RYR2: variants seen among roughly 807,000 people sequenced by gnomAD.
The protein encoded by RYR2 is cardiac muscle ryanodine receptor-calcium release channel.
RYR2 carries 227 observed loss-of-function variants against 601.1 expected under a neutral mutation model. The observed-to-expected ratio is 0.38, with a 90% CI of 0.34 to 0.42. RYR2 has a LOEUF of 0.42. RYR2 is among the 10% of genes least tolerant of loss of function. The pLI is 1.00. For missense variants in RYR2, 4,646 were observed against 6,156.5 expected (o/e 0.75, Z 8.21); for synonymous variants, 2,223 against 2,175.1 (o/e 1.02, Z -0.61).
At chr1:237,045,775 C>CTTT (rs35311700) in intron 1 of RYR2, among the ~76,000 whole-genome samples, 1 of 128,338 alleles carries the variant, frequency 7.8e-6, no homozygotes, top group Non-Finnish European at 1.6e-5. Flanking sequence ...TTATGGTCCT[C>CTTT]TTTTTTTTTT....
chr1:237,293,539 A>G (rs1424758540), intron 2 of RYR2, among the ~76,000 whole-genome samples: 2 of 152,156 alleles, frequency 1.3e-5, no homozygotes, highest in East Asian at 3.9e-4. Flanking sequence ...TGCAAGTAGT[A>G]GATTGTCATC....
chr1:237,270,594 TG>T lies in RYR2; in HGVS notation c.148del (p.Glu50SerfsTer52). The T allele has an allele frequency of 6.3e-7, 1 of 1,589,882 alleles. No homozygotes were observed. The highest frequency in any genetic ancestry group is 8.6e-7 in the Non-Finnish European group (1 of 1,167,374). The stretch of plus-strand genomic sequence containing the variant: ...GGATTTGGCAACAGACTTTGTTTCT[TG>T]GAGTCCACTTCCAATTCCAAGGTGG... ...AEGFGNRLCF[L>X]ESTSNSKNVP... On this transcript the variant is annotated frameshift_variant, in exon 2 of 105. Transcript: ENST00000366574. LOFTEE classifies it high-confidence loss of function.
chr1:237,300,455 G>T (rs1693238681), intron 2 of RYR2, among the ~76,000 whole-genome samples: 1 of 152,168 alleles, frequency 6.6e-6, no homozygotes, highest in African/African-American at 2.4e-5. Flanking sequence ...TGACATGCAG[G>T]TATACGTAAA....
At chr1:237,773,138 G>A (rs940495806) in intron 86 of RYR2, among the ~76,000 whole-genome samples, 15 of 151,980 alleles carry the variant, frequency 9.9e-5, no homozygotes, top group Admixed American at 2.6e-4. Flanking sequence ...GCCAGATGTC[G>A]GTACCCCAAA....
intron 80 of RYR2, among the ~76,000 whole-genome samples, chr1:237,749,918 G>A (rs1311404936): frequency 6.6e-6 from 1 of 152,080 alleles, no homozygotes; most frequent in Non-Finnish European, 1.5e-5. Flanking sequence ...GGCCGAGGTG[G>A]GTGGATCACC....
In RYR2 at chr1:237,133,198, G is replaced by A. The variant is rs144730942; in HGVS notation, c.48+90629G>A. On this transcript the variant is annotated intron_variant, in intron 1 of 104. Coordinates refer to ENST00000366574, the MANE Select transcript of RYR2 (RefSeq NM_001035.3). The stretch of plus-strand genomic sequence containing the variant: ...TGTAAGTGAGATGCTTGGAATTGGG[G>A]CTGTGGGGGCTGTACTTAGTAAGGT... Among the ~76,000 whole-genome samples, 460 of 152,216 alleles carry A rather than the reference G, an allele frequency of 3.0e-3. 3 individuals are homozygous for A. Among genetic ancestry groups the A allele is most frequent in the African/African-American group, 0.01 (430 of 41,526 alleles).
intron 1 of RYR2, among the ~76,000 whole-genome samples, chr1:237,145,591 A>G (rs1463497276): frequency 6.6e-6 from 1 of 152,102 alleles, no homozygotes; most frequent in Non-Finnish European, 1.5e-5. Context: ...TTTCCTGCTC[A>G]CTGTCTGTCC....
At chr1:237,568,836 T>A (rs1046626634) in intron 28 of RYR2, among the ~76,000 whole-genome samples, 5 of 152,126 alleles carry the variant, frequency 3.3e-5, no homozygotes, top group Non-Finnish European at 4.4e-5. Flanking sequence ...TAAAGGCATA[T>A]AAGTTTTCTT....
At chr1:237,172,003 A>G (rs1284794958) in intron 1 of RYR2, among the ~76,000 whole-genome samples, 1 of 152,216 alleles carries the variant, frequency 6.6e-6, no homozygotes, top group Non-Finnish European at 1.5e-5. Context: ...GCTAAGCAGC[A>G]AGTCAGCTTA....
At chr1:237,603,622 C>T (rs1177969482) in intron 35 of RYR2, among the ~76,000 whole-genome samples, 2 of 152,146 alleles carry the variant, frequency 1.3e-5, no homozygotes, top group Non-Finnish European at 2.9e-5. Flanking sequence ...AATTAAAAAA[C>T]ACAGACTGGC....
At chr1:237,630,022 A>T (rs1470802167) in intron 41 of RYR2, among the ~76,000 whole-genome samples, 1 of 152,146 alleles carries the variant, frequency 6.6e-6, no homozygotes, top group Non-Finnish European at 1.5e-5. Flanking sequence ...AACCCGAGGA[A>T]GCCTCTCATA....
intron 62 of RYR2, among the ~76,000 whole-genome samples, chr1:237,681,026 A>G (rs935442879): frequency 8.5e-5 from 13 of 152,344 alleles, no homozygotes; most frequent in Non-Finnish European, 1.6e-4. Flanking sequence ...AAAGATACCT[A>G]TAAAATTTCT....
intron 95 of RYR2, 112 bp downstream of exon 95, chr1:237,794,109 A>G (rs1039899388): frequency 3.4e-6 from 3 of 877,980 alleles, no homozygotes. Context: ...AATAATAGTT[A>G]TATATTCAGC....
chr1:237,767,538 C>T (rs941937958), intron 84 of RYR2, among the ~76,000 whole-genome samples: 1 of 152,040 alleles, frequency 6.6e-6, no homozygotes, highest in African/African-American at 2.4e-5. Context: ...GTTCACTGAA[C>T]CACAAAATGG....
intron 1 of RYR2, among the ~76,000 whole-genome samples, chr1:237,088,902 T>G (rs2148447673): frequency 6.6e-6 from 1 of 152,350 alleles, no homozygotes; most frequent in Admixed American, 6.5e-5. Flanking sequence ...TTCAGTTGTT[T>G]CCAGTACTTA....
intron 63 of RYR2, among the ~76,000 whole-genome samples, chr1:237,695,734 C>T (rs962795516): frequency 1.3e-5 from 2 of 152,178 alleles, no homozygotes; most frequent in East Asian, 1.9e-4. Context: ...AGGCTTCTTA[C>T]ACATGCTAAT....
At chr1:237,074,875 G>T (rs1030343055) in intron 1 of RYR2, among the ~76,000 whole-genome samples, 6 of 152,204 alleles carry the variant, frequency 3.9e-5, no homozygotes, top group Admixed American at 6.5e-5. Flanking sequence ...TTGCAGGTTA[G>T]GTTGATGAGT....
intron 1 of RYR2, among the ~76,000 whole-genome samples, chr1:237,242,195 TTTTTTTGTTTG>T (rs1686255643): frequency 2.5e-5 from 1 of 40,082 alleles, no homozygotes; most frequent in East Asian, 2.9e-3. Context: ...TGATCACTGT[TTTTTTTGTTTG>T]TTTGTTTGTT....
At chr1:237,395,125 A>T (rs1326557974) in intron 10 of RYR2, among the ~76,000 whole-genome samples, 1 of 152,226 alleles carries the variant, frequency 6.6e-6, no homozygotes, top group Non-Finnish European at 1.5e-5. Flanking sequence ...GGGCGGGGAC[A>T]CAAATCCAAA....
Sources: allele counts gnomAD v4.1 joint callset (sites outside exome capture counted in the v4.1 genomes callset), GRCh38; gene constraint gnomAD v4.1.1; transcripts MANE v1.5; gene names NCBI Gene and HGNC (gene_info 2026-07-23, HGNC 2026-07-21).